MED15: variants seen among roughly 807,000 people sequenced by gnomAD.
The protein encoded by MED15 is mediator complex subunit 15, also known as mediator of RNA polymerase II transcription subunit 15.
Under a neutral mutation model 118.7 loss-of-function variants are expected in MED15, and 41 were observed. The ratio of observed to expected loss-of-function variants is 0.35; its 90% CI spans 0.27 to 0.45. The LOEUF (loss-of-function observed/expected upper bound fraction) is 0.45, where lower values mean the gene tolerates loss of function less well. Among genes scored for constraint, MED15 ranks in the 20% least tolerant of loss-of-function variants. The probability of loss-of-function intolerance (pLI) is 1.00; values close to 1 mark genes in which losing one functional copy is unlikely to be tolerated. For missense variants in MED15, 740 were observed against 1,025.5 expected (o/e 0.72, Z 3.80); for synonymous variants, 436 against 413.9 (o/e 1.05, Z -0.65).
rs1320342280 is a variant in MED15, at chr22:20,566,460, T to A, written c.691-7T>A. 1 of 1,611,314 alleles carries A rather than the reference T, an allele frequency of 6.2e-7. No individual in the cohort carries two copies. The highest frequency in any genetic ancestry group is 8.5e-7 in the Non-Finnish European group (1 of 1,179,884). ...TGATAACCGAGTGCTGCTTGTTCTGTCTCTAGATACAGCAGCAGCAACAGC... is the reference window on the plus strand; with the variant it reads ...TGATAACCGAGTGCTGCTTGTTCTGACTCTAGATACAGCAGCAGCAACAGC... On this transcript the variant is annotated splice_polypyrimidine_tract_variant and splice_region_variant and intron_variant, in intron 6 of 17. Transcript: ENST00000263205.
chr22:20,532,913 G>C (rs2054915799), intron 1 of MED15, among the ~76,000 whole-genome samples: 1 of 152,170 alleles, frequency 6.6e-6, no homozygotes, highest in Non-Finnish European at 1.5e-5. Context: ...TGGGTTCTCT[G>C]TTCTTTGTCT....
Position 20,583,171 on chromosome 22 carries a change from C to T in MED15, c.1596C>T (p.Tyr532=), listed in dbSNP as rs754714758. 7 of 1,610,748 alleles carry T rather than the reference C, an allele frequency of 4.3e-6. No individual in the cohort carries two copies. The East Asian group carries it at 1.1e-4, about 26-fold the overall frequency. The change falls in exon 12 of 18, where the codon TAC becomes TAT. Residue 532 remains tyrosine, a synonymous_variant. Transcript: ENST00000263205. ...AGSSQAEEQQ[Y]LDKLKQLSKY... Reference sequence around the variant, plus strand: ...CCAGCCAGGCTGAGGAGCAGCAGTACCTGGACAAGCTGAAGCAGCTGTCGA... The same window carrying T: ...CCAGCCAGGCTGAGGAGCAGCAGTATCTGGACAAGCTGAAGCAGCTGTCGA...
At chr22:20,585,587 G>T in intron 16 of MED15, 141 bp from the exon 17 acceptor site, 1 of 789,026 alleles carries the variant, frequency 1.3e-6, no homozygotes, top group Non-Finnish European at 2.1e-6. Context: ...GGAAATCTGA[G>T]AGTCAGAGAG....
At chr22:20,582,583 C>T (rs959944807) in intron 9 of MED15, 28 bp from the exon 10 acceptor site, 35 of 1,536,606 alleles carry the variant, frequency 2.3e-5, no homozygotes, top group East Asian at 1.5e-4. Flanking sequence ...CGTGTGGCAG[C>T]GCGCCGGCTG....
intron 1 of MED15, among the ~76,000 whole-genome samples, chr22:20,509,147 G>C: frequency 6.6e-6 from 1 of 152,200 alleles, no homozygotes; most frequent in East Asian, 1.9e-4. Context: ...GAGTTCTGGG[G>C]CTCGAGGAGT....
intron 1 of MED15, among the ~76,000 whole-genome samples, chr22:20,521,729 T>G (rs1319556368): frequency 1.5e-5 from 2 of 132,120 alleles, no homozygotes; most frequent in Non-Finnish European, 3.4e-5. Flanking sequence ...TTTATTTATT[T>G]ATTTATGTAT....
intron 1 of MED15, among the ~76,000 whole-genome samples, chr22:20,535,771 G>A (rs1378477342): frequency 2.6e-5 from 4 of 151,964 alleles, no homozygotes; most frequent in South Asian, 4.1e-4. Flanking sequence ...GTGTTAGCCA[G>A]GATGGTCGTG....
chr22:20,570,644 G>A (rs2056613665), intron 8 of MED15, among the ~76,000 whole-genome samples: 1 of 151,104 alleles, frequency 6.6e-6, no homozygotes, highest in African/African-American at 2.4e-5. Context: ...ACCCGCCTCA[G>A]CCTCCCAAAG....
At chr22:20,508,285 C>T (rs1296439221) in intron 1 of MED15, 1 of 1,299,342 alleles carries the variant, frequency 7.7e-7, no homozygotes, top group Non-Finnish European at 1.0e-6. Context: ...GGCAGGAAGC[C>T]GCTGTCAGGA....
At chr22:20,566,894 G>C in intron 7 of MED15, 77 bp downstream of exon 7, 1 of 1,569,048 alleles carries the variant, frequency 6.4e-7, no homozygotes, top group Non-Finnish European at 8.7e-7. Context: ...TCTTTGGCTA[G>C]AGATAGCATA....
intron 1 of MED15, among the ~76,000 whole-genome samples, chr22:20,527,916 C>T (rs1208130865): frequency 1.3e-5 from 2 of 149,176 alleles, no homozygotes; most frequent in African/African-American, 5.0e-5. Context: ...GAGATCGTGC[C>T]ACTGGACTCC....
At chr22:20,540,843 A>G (rs1042169889) in intron 2 of MED15, among the ~76,000 whole-genome samples, 7 of 152,120 alleles carry the variant, frequency 4.6e-5, no homozygotes, top group African/African-American at 7.2e-5. Flanking sequence ...TGCAAATCAC[A>G]TATCAGGTAA....
rs776739266 is a variant in MED15 at position 20,583,403 on chromosome 22, G to A, written c.1736+10G>A. 3 of 1,611,534 alleles carry A rather than the reference G, an allele frequency of 1.9e-6. No individual in the cohort carries two copies. In the South Asian group the frequency reaches 3.3e-5, roughly 18 times the overall value. On this transcript the variant is annotated intron_variant, in intron 13 of 17. Coordinates refer to ENST00000263205, the MANE Select transcript of MED15 (RefSeq NM_001003891.3). ...CAGACCCCTCGAAGCGGTGAGCTTT[G>A]CCCACAGCCCACGGAGGGTCCACAA...
chr22:20,555,017 G>C lies in MED15; in HGVS notation c.320G>C (p.Gly107Ala). The change falls in exon 5 of 18, where the codon GGA (glycine) becomes GCA (alanine). Residue 107 changes from glycine to alanine, a missense_variant. By Grantham distance (60) the Gly-to-Ala change is moderately conservative. This residue lies in a region of MED15 where 117 missense variants were observed against 124.6 expected (regional missense o/e 0.94). Coordinates refer to ENST00000263205, the MANE Select transcript of MED15 (RefSeq NM_001003891.3). ...ATTGGCATGCCTCCTCGGGGCCCGG[G>C]ACAGTCTCTGGGCGGGATGGGTAGC... ...AGIGMPPRGP[G>A]QSLGGMGSLG... is the part of the protein sequence containing the mutation. 2 of 1,612,538 alleles carry C rather than the reference G, an allele frequency of 1.2e-6. No homozygotes were observed. The highest frequency in any genetic ancestry group is 1.7e-6 in the Non-Finnish European group (2 of 1,180,032).
intron 9 of MED15, among the ~76,000 whole-genome samples, chr22:20,579,401 C>T (rs1453850119): frequency 1.3e-5 from 2 of 152,148 alleles, no homozygotes; most frequent in African/African-American, 4.8e-5. Flanking sequence ...ATCTCCCTGC[C>T]TCCCATCCTC....
intron 5 of MED15, among the ~76,000 whole-genome samples, chr22:20,558,687 G>A (rs997582159): frequency 2.6e-5 from 4 of 152,132 alleles, no homozygotes; most frequent in African/African-American, 9.7e-5. Flanking sequence ...AGCCTCAGCT[G>A]CTGCAAGGTG....
At chr22:20,546,464 G>A (rs569004811) in intron 2 of MED15, among the ~76,000 whole-genome samples, 11 of 148,978 alleles carry the variant, frequency 7.4e-5, no homozygotes, top group African/African-American at 2.7e-4. Context: ...AGGGCTTGTA[G>A]ACTAATTCTG....
chr22:20,526,454 C>T (rs1214128301), intron 1 of MED15, among the ~76,000 whole-genome samples: 1 of 152,182 alleles, frequency 6.6e-6, no homozygotes, highest in African/African-American at 2.4e-5. Flanking sequence ...CTCATTCTTC[C>T]AGTATTCTAC....
intron 5 of MED15, 140 bp downstream of exon 5, chr22:20,555,288 TG>T: frequency 1.0e-6 from 1 of 997,622 alleles, no homozygotes; most frequent in Non-Finnish European, 1.4e-6. Flanking sequence ...AAATCTTTGT[TG>T]TATGTGGAGA....
Sources: gnomAD v4.1 joint callset for allele counts (sites outside exome capture counted in the v4.1 genomes callset) on GRCh38, gnomAD v4.1.1 for gene constraint, gnomAD v4.1.1 regional missense constraint, MANE v1.5 for transcripts, NCBI Gene and HGNC (gene_info 2026-07-23, HGNC 2026-07-21) for gene names.